Variants in CTNNA3 observed in about 807,000 individuals in gnomAD.
CTNNA3 encodes catenin alpha-3.
CTNNA3 carries 76 observed loss-of-function variants against 95.7 expected under a neutral mutation model. That is an observed-to-expected ratio of 0.79 (90% confidence interval 0.66 to 0.96). CTNNA3 has a LOEUF of 0.96. Among genes scored for constraint, CTNNA3 ranks in the 40% least tolerant of loss-of-function variants. CTNNA3 has a pLI of 0.00. For missense variants in CTNNA3, 1,191 were observed against 1,089.8 expected (o/e 1.09, Z -1.31); for synonymous variants, 431 against 374.4 (o/e 1.15, Z -1.74).
intron 10 of CTNNA3, among the ~76,000 whole-genome samples, chr10:66,552,727 C>T (rs1295949564): frequency 6.6e-6 from 1 of 151,948 alleles, no homozygotes; most frequent in Non-Finnish European, 1.5e-5. Context: ...TCTTTAGGTG[C>T]ACTAAAATTT....
chr10:65,981,530 G>A (rs912016574), intron 16 of CTNNA3, among the ~76,000 whole-genome samples: 50 of 151,862 alleles, frequency 3.3e-4, no homozygotes, highest in African/African-American at 1.1e-3. Flanking sequence ...AAAAGAGCCC[G>A]TATAGCCAAA....
At chr10:66,040,829 CA>C (rs1039582957) in intron 15 of CTNNA3, among the ~76,000 whole-genome samples, 3 of 152,048 alleles carry the variant, frequency 2.0e-5, no homozygotes, top group Admixed American at 6.6e-5. Flanking sequence ...CTCCATGACA[CA>C]AGTTTATCTA....
intron 10 of CTNNA3, among the ~76,000 whole-genome samples, chr10:66,591,288 C>A (rs1167373583): frequency 6.6e-6 from 1 of 152,066 alleles, no homozygotes; most frequent in Non-Finnish European, 1.5e-5. Context: ...CATATTTTTC[C>A]CCCCTTGGGG....
intron 1 of CTNNA3, among the ~76,000 whole-genome samples, chr10:67,726,446 A>AAT (rs1554879504): frequency 3.1e-3 from 56 of 18,044 alleles, no homozygotes; most frequent in African/African-American, 5.1e-3. Flanking sequence ...TATAATATAT[A>AAT]ATATTATATA....
chr10:67,175,818 A>G (rs78180637), intron 7 of CTNNA3, among the ~76,000 whole-genome samples: 11,891 of 152,286 alleles, frequency 0.078, 513 homozygotes, highest in South Asian at 0.2. Flanking sequence ...TTAGAACTCA[A>G]ACATGATGGC....
At chr10:67,444,373 A>T (rs901488860) in intron 5 of CTNNA3, among the ~76,000 whole-genome samples, 10 of 152,166 alleles carry the variant, frequency 6.6e-5, no homozygotes, top group Non-Finnish European at 2.9e-5. Flanking sequence ...AACATACCAA[A>T]ACCTGTAAAA....
intron 10 of CTNNA3, among the ~76,000 whole-genome samples, chr10:66,607,806 A>G (rs1301449048): frequency 6.6e-6 from 1 of 152,160 alleles, no homozygotes; most frequent in African/African-American, 2.4e-5. Flanking sequence ...CTTCAAAATA[A>G]TAACAGTCAT....
chr10:66,525,448 T>C (rs1439006263), intron 10 of CTNNA3, among the ~76,000 whole-genome samples: 3 of 152,156 alleles, frequency 2.0e-5, no homozygotes, highest in Non-Finnish European at 4.4e-5. Flanking sequence ...ACCAAGTTAT[T>C]AAGGAGAAGT....
At chr10:67,311,996 T>G (rs1247603764) in intron 5 of CTNNA3, among the ~76,000 whole-genome samples, 1 of 151,686 alleles carries the variant, frequency 6.6e-6, no homozygotes, top group Non-Finnish European at 1.5e-5. Flanking sequence ...CTCACCTCAC[T>G]ACAATCACAC....
At chr10:66,107,968 A>C (rs924922474) in intron 13 of CTNNA3, among the ~76,000 whole-genome samples, 1 of 152,060 alleles carries the variant, frequency 6.6e-6, no homozygotes, top group Non-Finnish European at 1.5e-5. Context: ...GCTTTCACTG[A>C]CTTACTAAAA....
chr10:67,677,311 T>C (rs1022385968), intron 1 of CTNNA3, among the ~76,000 whole-genome samples: 1 of 152,128 alleles, frequency 6.6e-6, no homozygotes, highest in Non-Finnish European at 1.5e-5. Context: ...CAAAGAATAA[T>C]TTTTTGGCAT....
intron 13 of CTNNA3, among the ~76,000 whole-genome samples, chr10:66,106,369 G>GTGTGTA (rs1554850369): frequency 1.4e-3 from 184 of 130,280 alleles, no homozygotes; most frequent in African/African-American, 4.7e-3. Flanking sequence ...GTGTGTGTGT[G>GTGTGTA]TGTGTGTGTT....
intron 14 of CTNNA3, among the ~76,000 whole-genome samples, chr10:66,087,846 G>T (rs575688088): frequency 3.7e-4 from 57 of 152,132 alleles, no homozygotes; most frequent in African/African-American, 1.3e-3. Flanking sequence ...TAGAGGTAGT[G>T]CTACTGTTTG....
chr10:67,293,771 G>T (rs1839927993), intron 5 of CTNNA3, among the ~76,000 whole-genome samples: 1 of 150,154 alleles, frequency 6.7e-6, no homozygotes, highest in Non-Finnish European at 1.5e-5. Flanking sequence ...GCGGTGTTTG[G>T]TTTTTTGTCC....
rs549072526 is a variant in CTNNA3 at position 66,429,984 on chromosome 10, G to T, written c.1532-50632C>A. 2.6e-3 allele frequency among the ~76,000 whole-genome samples: 381 copies of T among 146,586 alleles called. 2 individuals carry two copies. Among genetic ancestry groups the T allele is most frequent in the African/African-American group, 9.4e-3 (363 of 38,586 alleles). ...AATTGTCCCTCTTTGCAGATGACAT[G>T]ATTGTATATCTAGAAAACCCCATCA... On this transcript the variant is annotated intron_variant, in intron 11 of 17. Transcript: ENST00000433211.
intron 10 of CTNNA3, among the ~76,000 whole-genome samples, chr10:66,582,399 C>T (rs904306461): frequency 4.2e-4 from 64 of 151,732 alleles, no homozygotes; most frequent in African/African-American, 1.5e-3. Context: ...CTTTTTGTAG[C>T]TACTGTAAAA....
At chr10:65,977,671 A>T (rs1215448370) in intron 16 of CTNNA3, among the ~76,000 whole-genome samples, 10 of 152,090 alleles carry the variant, frequency 6.6e-5, no homozygotes, top group Non-Finnish European at 2.9e-5. Context: ...AGTCCCAGCT[A>T]CTTGGGTGGC....
intron 11 of CTNNA3, among the ~76,000 whole-genome samples, chr10:66,460,956 A>T (rs2131847272): frequency 6.6e-6 from 1 of 152,188 alleles, no homozygotes; most frequent in South Asian, 2.1e-4. Flanking sequence ...TTAATTCCTG[A>T]AGTTTTTCTC....
chr10:66,553,370 G>A (rs1023274905), intron 10 of CTNNA3, among the ~76,000 whole-genome samples: 7 of 147,834 alleles, frequency 4.7e-5, no homozygotes, highest in Non-Finnish European at 1.0e-4. Context: ...TTTATTTTTT[G>A]CTTCCTTTTG....
Sources: gnomAD v4.1 joint callset for allele counts (sites outside exome capture counted in the v4.1 genomes callset) on GRCh38, gnomAD v4.1.1 for gene constraint, MANE v1.5 for transcripts, NCBI Gene and HGNC (gene_info 2026-07-23, HGNC 2026-07-21) for gene names.